Variants in ZNF880 observed in about 807,000 individuals in gnomAD.
ZNF880 encodes zinc finger protein LOC400713.
A neutral mutation model predicts 11.8 loss-of-function variants in ZNF880; 12 were observed. That is an observed-to-expected ratio of 1.02 (90% CI 0.65 to 1.65). The LOEUF (loss-of-function observed/expected upper bound fraction) is 1.65. Ranked by LOEUF, ZNF880 falls within the 40% of genes most tolerant of loss-of-function variation. ZNF880 has a pLI of 0.00. For synonymous variants in ZNF880, 210 were observed against 232.4 expected (o/e 0.90, Z 0.88); for missense variants, 601 against 673.9 (o/e 0.89, Z 1.20).
At chr19:52,371,605 A>G (rs1986373928) in intron 1 of ZNF880, among the ~76,000 whole-genome samples, 1 of 151,920 alleles carries the variant, frequency 6.6e-6, no homozygotes, top group Non-Finnish European at 1.5e-5. Flanking sequence ...TCAACTCCTG[A>G]CCTCAAATGA....
chr19:52,396,121 ATTTTTTT>A, the ZNF880 span, among the ~76,000 whole-genome samples: 478 of 120,614 alleles, frequency 4.0e-3, 4 homozygotes, highest in Admixed American at 9.2e-3. Context: ...TGCCTGGCTA[ATTTTTTT>A]TTTTTTTTTT....
chr19:52,377,364 A>G (rs563402949), intron 3 of ZNF880, among the ~76,000 whole-genome samples: 109 of 152,228 alleles, frequency 7.2e-4, no homozygotes, highest in Non-Finnish European at 1.1e-3. Context: ...AATGCCACTC[A>G]GCAGAGAGCG....
downstream of ZNF880, chr19:52,385,874 GTC>G (rs1181287857): frequency 1.4e-5 from 2 of 145,946 alleles, 1 homozygote; most frequent in Non-Finnish European, 3.0e-5. Flanking sequence ...TTTCACTGTG[GTC>G]TCTTGAATCA....
chr19:52,373,911 C>T (rs970170844), intron 2 of ZNF880, among the ~76,000 whole-genome samples: 2 of 151,408 alleles, frequency 1.3e-5, no homozygotes, highest in Non-Finnish European at 2.9e-5. Flanking sequence ...CCTCGTGATC[C>T]GCCCACCTCG....
intron 3 of ZNF880, chr19:52,374,781 T>C: frequency 1.9e-6 from 1 of 534,264 alleles, no homozygotes. Context: ...TTGCCCAGGC[T>C]GGAGTGTAGT....
At chr19:52,390,265 C>A, downstream of ZNF880, 1 of 308,988 alleles carries the variant, frequency 3.2e-6, no homozygotes, top group Non-Finnish European at 6.7e-6. Flanking sequence ...GGTTGATTCC[C>A]GCCCTGGGAG....
At chr19:52,371,406 C>T (rs919032095) in intron 1 of ZNF880, among the ~76,000 whole-genome samples, 6 of 151,012 alleles carry the variant, frequency 4.0e-5, no homozygotes, top group East Asian at 1.9e-4. Flanking sequence ...GCTGGAGTCT[C>T]GCTTTGTCAC....
At position 52,374,323 on chromosome 19, in the gene ZNF880, T is replaced by A. The variant is rs1304704246; in HGVS notation, c.164T>A (p.Val55Asp). Residue 55 changes from valine to aspartate, a missense_variant, in exon 3 of 4, where the codon GTT becomes GAT. Transcript: ENST00000422689. The stretch of plus-strand genomic sequence containing the variant: ...GGAATCTGTCTTCCTGACCTGAGTG[T>A]TATCTCCATGTTGGAGCAAAGGAGA... ...FLGICLPDLS[V>D]ISMLEQRRDP... 1 of 1,613,700 alleles carries A rather than the reference T, an allele frequency of 6.2e-7. No individual in the cohort carries two copies. Among genetic ancestry groups the A allele is most frequent in the East Asian group, 2.2e-5 (1 of 44,862 alleles).
intron 1 of ZNF880, among the ~76,000 whole-genome samples, chr19:52,371,533 G>A (rs916589156): frequency 2.2e-4 from 33 of 151,948 alleles, no homozygotes; most frequent in African/African-American, 8.0e-4. Context: ...CCACCAGTAC[G>A]CCTGGCTAAT....
At position 52,374,423 on chromosome 19, in the gene ZNF880, C is replaced by CGCA; in HGVS notation, c.266_268dup (p.Ala89dup). The CGCA allele has an allele frequency of 6.2e-7, 1 of 1,610,694 alleles. No individual in the cohort carries two copies. The highest frequency in any genetic ancestry group is 1.7e-5 in the Admixed American group (1 of 59,338). On this transcript the variant is annotated inframe_insertion, in exon 3 of 4. Coordinates refer to ENST00000422689, the MANE Select transcript of ZNF880 (RefSeq NM_001145434.2). ...GCAGGGAGTGCATCAAAGGTGTGAACGCAGGTAAGAGCTTGGATGGCCAGA... is the reference window on the plus strand; with the variant it reads ...GCAGGGAGTGCATCAAAGGTGTGAACGCAGCAGGTAAGAGCTTGGATGGCCAGA...
downstream of ZNF880, among the ~76,000 whole-genome samples, chr19:52,385,990 A>G (rs917202090): frequency 1.1e-4 from 15 of 142,248 alleles, 1 homozygote; most frequent in African/African-American, 4.1e-4. Flanking sequence ...CCTGGCTAAC[A>G]TGGTGAAACC....
At chr19:52,393,828 C>A in the ZNF880 span, among the ~76,000 whole-genome samples, 412 of 145,378 alleles carry the variant, frequency 2.8e-3, 5 homozygotes, top group Admixed American at 9.6e-3. Context: ...ATTTCTTTGC[C>A]CCCCCCCTTT....
upstream of ZNF880, among the ~76,000 whole-genome samples, chr19:52,368,296 C>T (rs1986220303): frequency 6.8e-6 from 1 of 148,080 alleles, no homozygotes. Flanking sequence ...AATGTTCACC[C>T]ATCTTCTTTT....
intron 1 of ZNF880, among the ~76,000 whole-genome samples, chr19:52,372,834 T>C (rs1397406515): frequency 1.3e-4 from 17 of 134,892 alleles, no homozygotes; most frequent in African/African-American, 2.9e-4. Flanking sequence ...GGCGTGAACC[T>C]GGGAGGCGGA....
chr19:52,378,938 G>C (rs1006675806), intron 3 of ZNF880, among the ~76,000 whole-genome samples: 3 of 152,020 alleles, frequency 2.0e-5, no homozygotes, highest in African/African-American at 7.2e-5. Context: ...ATTTGGCTGT[G>C]GTGGTGCACA....
chr19:52,373,143 A>G lies in ZNF880; in HGVS notation c.45A>G (p.Glu15=), dbSNP rs777019099. 1.2e-6 allele frequency: 2 copies of G among 1,613,426 alleles called. No individual in the cohort carries two copies. Among genetic ancestry groups the G allele is most frequent in the South Asian group, 2.2e-5 (2 of 91,070 alleles). ...GHLAFRDVAI[E]FPQEEWKCLD... ...TGGCATTCAGGGACGTGGCCATAGAATTCCCTCAGGAGGAGTGGAAATGTC... is the reference window on the plus strand; with the variant it reads ...TGGCATTCAGGGACGTGGCCATAGAGTTCCCTCAGGAGGAGTGGAAATGTC... Residue 15 remains glutamate (E), a synonymous_variant, in exon 2 of 4, where the codon GAA becomes GAG. Transcript: ENST00000422689.
the ZNF880 span, chr19:52,397,565 CTT>C: frequency 5.3e-5 from 8 of 151,972 alleles, no homozygotes; most frequent in African/African-American, 1.9e-4. Context: ...TACTCTCTCT[CTT>C]CTCTCTCTTT....
At chr19:52,386,275 C>T (rs1490855645), downstream of ZNF880, among the ~76,000 whole-genome samples, 1 of 142,614 alleles carries the variant, frequency 7.0e-6, no homozygotes, top group East Asian at 2.0e-4. Context: ...AAGGACACTG[C>T]GTTTTCTTAT....
rs753862996 is a variant in ZNF880, at chr19:52,385,116, A to T, written c.1536A>T (p.Gln512His). ...SHNSHLARHR[Q>H]IHTGEKSYKC... ...ATTCACACCTTGCACGACATAGGCA[A>T]ATTCATACTGGAGAGAAGTCTTACA... The change falls in exon 4 of 4, where the codon CAA becomes CAT. Residue 512 changes from glutamine (Q) to histidine (H), a missense_variant. Around this residue, in one of 3 missense-constraint regions of ZNF880, gnomAD observed 177 missense variants for 214.5 expected, o/e 0.83. Coordinates refer to ENST00000422689, the MANE Select transcript of ZNF880 (RefSeq NM_001145434.2). 1 of 1,558,680 alleles carries T rather than the reference A, an allele frequency of 6.4e-7. No homozygotes were observed. The highest frequency in any genetic ancestry group is 1.2e-5 in the South Asian group (1 of 84,562).
Sources: gnomAD v4.1 joint callset for allele counts (sites outside exome capture counted in the v4.1 genomes callset) on GRCh38, gnomAD v4.1.1 for gene constraint, gnomAD v4.1.1 regional missense constraint, MANE v1.5 for transcripts, NCBI Gene and HGNC (gene_info 2026-07-23, HGNC 2026-07-21) for gene names.